The following XK variants were observed in gnomAD, a reference collection of about 807,000 sequenced individuals.
The protein encoded by XK is endoplasmic reticulum membrane adapter protein XK.
Under a neutral mutation model 14.0 loss-of-function variants are expected in XK, and 2 were observed. The ratio of observed to expected loss-of-function variants is 0.14; its 90% CI spans 0.06 to 0.45. The LOEUF is 0.45. Ranked by LOEUF, XK falls within the 20% of genes least tolerant of loss-of-function variation. The pLI is 0.98. For missense variants in XK, 235 were observed against 341.5 expected, an observed-to-expected ratio of 0.69 and a Z score of 2.46; for synonymous variants, 149 against 147.5, an observed-to-expected ratio of 1.01 and a Z score of -0.08.
chrX:37,721,437 T>C (rs1303050162), intron 2 of XK, among the ~76,000 whole-genome samples: 1 of 111,260 alleles, frequency 9.0e-6, no homozygotes, highest in East Asian at 2.8e-4. Flanking sequence ...AAATGGCCAA[T>C]ACCCACATGA....
intron 2 of XK, among the ~76,000 whole-genome samples, chrX:37,713,638 G>A (rs1055843374): frequency 2.8e-4 from 30 of 106,525 alleles, no homozygotes; most frequent in Non-Finnish European, 5.8e-5. Context: ...TTCAGTTTCC[G>A]TTAGCCAAGA....
At chrX:37,727,547 G>A in intron 2 of XK, 89 bp from the exon 3 acceptor site, 1 of 780,737 alleles carries the variant, frequency 1.3e-6, no homozygotes, top group Non-Finnish European at 1.9e-6. Flanking sequence ...AGAGTCCAAG[G>A]AATGCGGGTG....
At chrX:37,710,007 C>G (rs1927631860) in intron 2 of XK, among the ~76,000 whole-genome samples, 1 of 112,061 alleles carries the variant, frequency 8.9e-6, no homozygotes, top group Non-Finnish European at 1.9e-5. Flanking sequence ...GCATGAAATT[C>G]TTAAGTGATT....
At chrX:37,708,618 G>A (rs1556446034) in intron 2 of XK, among the ~76,000 whole-genome samples, 1 of 112,307 alleles carries the variant, frequency 8.9e-6, no homozygotes, top group Non-Finnish European at 1.9e-5. Context: ...GAACAGACCA[G>A]TACTCCAAGA....
At chrX:37,699,454 C>T (rs1378413180) in intron 2 of XK, among the ~76,000 whole-genome samples, 1 of 112,107 alleles carries the variant, frequency 8.9e-6, no homozygotes, top group African/African-American at 3.3e-5. Context: ...AAAGGACAGA[C>T]ATAGGAATAT....
intron 2 of XK, among the ~76,000 whole-genome samples, chrX:37,711,644 C>T (rs1289217997): frequency 8.9e-6 from 1 of 112,117 alleles, no homozygotes; most frequent in African/African-American, 3.2e-5. Context: ...CCACTTCCCA[C>T]CCAACTCCTT....
rs1928079793 is a variant in XK at position 37,731,173 on chromosome X, G to C, written c.*2711G>C. On this transcript the variant is annotated 3_prime_UTR_variant, in exon 3 of 3. Coordinates refer to ENST00000378616, the MANE Select transcript of XK (RefSeq NM_021083.4). The stretch of plus-strand genomic sequence containing the variant: ...AACCAGCAACTTTTCTCATGTGTTT[G>C]GAGTTAAAATGTGTTTTTCAGTTAT... 1 of 112,186 alleles carries C rather than the reference G, an allele frequency of 8.9e-6. No individual in the cohort carries two copies. Among genetic ancestry groups the C allele is most frequent in the African/African-American group, 3.2e-5 (1 of 30,897 alleles). The allele number at this position is 112,186 out of a possible 1,213,427, so 9.2% of individuals were successfully genotyped here.
chrX:37,725,626 C>A (rs1170368252), intron 2 of XK, among the ~76,000 whole-genome samples: 2 of 111,411 alleles, frequency 1.8e-5, no homozygotes, highest in African/African-American at 6.5e-5. Context: ...AAAACTTATG[C>A]CCCTCCAAAA....
Position 37,729,587 on chromosome X carries a change from C to A in XK, c.*1125C>A, listed in dbSNP as rs1340269979. On this transcript the variant is annotated 3_prime_UTR_variant, in exon 3 of 3. Coordinates refer to ENST00000378616, the MANE Select transcript of XK (RefSeq NM_021083.4). ...CCCTTTAATGTTCTATATAATTTTT[C>A]CTTTAATCGGAGACCCTATTTGTTT... 9.0e-6 allele frequency: 1 copy of A among 111,562 alleles called. No homozygotes were observed. The highest frequency in any genetic ancestry group is 1.9e-5 in the Non-Finnish European group (1 of 53,047). The allele number at this position is 111,562 out of a possible 1,213,427, so 9.2% of individuals were successfully genotyped here. A position where few individuals can be genotyped will look rare whatever the true frequency, so the allele number is the denominator to read the frequency against.
chrX:37,728,669 A>G lies in XK; in HGVS notation c.*207A>G. The G allele has an allele frequency of 2.2e-6, 1 of 444,503 alleles. No individual in the cohort carries two copies. The highest frequency in any genetic ancestry group is 2.4e-5 in the African/African-American group (1 of 41,362). The allele number at this position is 444,503 out of a possible 1,213,427, so 36.6% of individuals were successfully genotyped here. On this transcript the variant is annotated 3_prime_UTR_variant, in exon 3 of 3. Coordinates refer to ENST00000378616, the MANE Select transcript of XK (RefSeq NM_021083.4). ...CTCTGAGTGTTGAAGGGGCAACCCA[A>G]GGCATCACAGTTCACAGGTAACCAT...
At chrX:37,719,754 A>G in intron 2 of XK, among the ~76,000 whole-genome samples, 1 of 111,324 alleles carries the variant, frequency 9.0e-6, no homozygotes, top group Non-Finnish European at 1.9e-5. Flanking sequence ...TTATTACAAA[A>G]TCTGTATCTC....
intron 2 of XK, among the ~76,000 whole-genome samples, chrX:37,726,185 T>C (rs1737133651): frequency 9.0e-6 from 1 of 111,292 alleles, no homozygotes; most frequent in Non-Finnish European, 1.9e-5. Context: ...TGGTGGGGGA[T>C]GTTGATAATG....
chrX:37,715,244 G>A (rs1247627590), intron 2 of XK, among the ~76,000 whole-genome samples: 1 of 110,208 alleles, frequency 9.1e-6, no homozygotes, highest in Non-Finnish European at 1.9e-5. Context: ...AAAATTTATA[G>A]TATAGTTGGG....
intron 1 of XK, among the ~76,000 whole-genome samples, chrX:37,691,294 T>C (rs73631196): frequency 0.032 from 3,602 of 112,714 alleles, 145 homozygotes; most frequent in African/African-American, 0.11. Flanking sequence ...TTAATTTGTA[T>C]GTTTTAGTCT....
chrX:37,722,609 C>T (rs940200014), intron 2 of XK, among the ~76,000 whole-genome samples: 4 of 112,576 alleles, frequency 3.6e-5, no homozygotes, highest in African/African-American at 1.3e-4. Flanking sequence ...TCCATATCCC[C>T]TTTGGCTTCG....
Position 37,728,467 on chromosome X carries a change from A to T in XK, c.*5A>T. ...GAAGATCTCTGCTCTGCTTAATGGG[A>T]CCCAAGGTCTCAGAGCACAGGCATA... On this transcript the variant is annotated 3_prime_UTR_variant, in exon 3 of 3. Transcript: ENST00000378616. 1 of 1,204,304 alleles carries T rather than the reference A, an allele frequency of 8.3e-7. No homozygotes were observed. The highest frequency in any genetic ancestry group is 1.1e-6 in the Non-Finnish European group (1 of 892,191).
chrX:37,717,524 G>A (rs1162097462), intron 2 of XK, among the ~76,000 whole-genome samples: 1 of 111,873 alleles, frequency 8.9e-6, no homozygotes, highest in East Asian at 2.8e-4. Flanking sequence ...AGAAAGATGA[G>A]CTGGAGGAGA....
In XK at chrX:37,698,758, A is replaced by G. The variant is rs181730755; in HGVS notation, c.508+4210A>G. Among the ~76,000 whole-genome samples the G allele has an allele frequency of 2.5e-4, 28 of 110,978 alleles. No homozygotes were observed. The East Asian group carries it at 7.6e-3, about 30-fold the overall frequency. On this transcript the variant is annotated intron_variant, in intron 2 of 2. Transcript: ENST00000378616. The stretch of plus-strand genomic sequence containing the variant: ...CAATCATCTTCAAATAGGATATATA[A>G]ACATCACACAAATTATTAATCAAAT...
At chrX:37,690,823 C>A (rs1386869182) in intron 1 of XK, among the ~76,000 whole-genome samples, 6 of 111,030 alleles carry the variant, frequency 5.4e-5, no homozygotes, top group African/African-American at 2.0e-4. Flanking sequence ...TGAAAAACTA[C>A]CTTGAGTATT....
Sources: gnomAD v4.1 joint callset for allele counts (sites outside exome capture counted in the v4.1 genomes callset) on GRCh38, gnomAD v4.1.1 for gene constraint, MANE v1.5 for transcripts, NCBI Gene and HGNC (gene_info 2026-07-23, HGNC 2026-07-21) for gene names.